The following FMNL3 variants were observed in gnomAD, a reference collection of about 807,000 sequenced individuals.
FMNL3 encodes formin-like protein 3.
Under a neutral mutation model 119.6 loss-of-function variants are expected in FMNL3, and 57 were observed. That is an observed-to-expected ratio of 0.48 (90% confidence interval 0.39 to 0.59). The LOEUF (loss-of-function observed/expected upper bound fraction) is 0.59, where lower values mean the gene tolerates loss of function less well. FMNL3 is among the 20% of genes least tolerant of loss of function. The pLI, the probability that FMNL3 is intolerant of heterozygous loss-of-function variation, is 0.00. For missense variants in FMNL3, 1,053 were observed against 1,323.5 expected (o/e 0.80, Z 3.17); for synonymous variants, 491 against 507.3 (o/e 0.97, Z 0.43).
chr12:49,654,873 T>G, intron 10 of FMNL3, 37 bp downstream of exon 10: 1 of 1,600,680 alleles, frequency 6.2e-7, no homozygotes, highest in Non-Finnish European at 8.5e-7. Context: ...CACACAGCCC[T>G]GGTGGGTATG....
intron 1 of FMNL3, among the ~76,000 whole-genome samples, chr12:49,694,250 C>G (rs2139019499): frequency 6.6e-6 from 1 of 152,292 alleles, no homozygotes; most frequent in South Asian, 2.1e-4. Context: ...GCAAGACTTA[C>G]TCATACAGTG....
chr12:49,644,684 T>C lies in FMNL3; in HGVS notation c.*1131A>G, dbSNP rs1943088892. The C allele has an allele frequency of 1.1e-5, 2 of 179,446 alleles. No individual in the cohort carries two copies. Among genetic ancestry groups the C allele is most frequent in the South Asian group, 2.2e-4 (2 of 8,962 alleles). 11.1% of individuals were successfully genotyped at this position (179,446 alleles called of 1,614,324 possible). ...TAACATGGCCAGTGACTCTTTTCCATGTGCTACTGGGGCAGGCTGGGGACT... is the reference window on the plus strand; with the variant it reads ...TAACATGGCCAGTGACTCTTTTCCACGTGCTACTGGGGCAGGCTGGGGACT... On this transcript the variant is annotated 3_prime_UTR_variant, in exon 26 of 26. Coordinates refer to ENST00000335154, the MANE Select transcript of FMNL3 (RefSeq NM_175736.5).
chr12:49,653,235 C>T lies in FMNL3; in HGVS notation c.1314G>A (p.Glu438=), dbSNP rs1274377435. The T allele has an allele frequency of 6.2e-7, 1 of 1,614,016 alleles. No homozygotes were observed. The highest frequency in any genetic ancestry group is 8.5e-7 in the Non-Finnish European group (1 of 1,180,036). Residue 438 remains glutamate (E), a synonymous_variant, in exon 13 of 26, where the codon GAG becomes GAA. Coordinates refer to ENST00000335154, the MANE Select transcript of FMNL3 (RefSeq NM_175736.5). The stretch of plus-strand genomic sequence containing the variant: ...CCCAGAGTACTTGTACCTTGATGCT[C>T]TCTAGTTCCTTCTCCCGCTGTAGCA... ...KQLLQREKEL[E]SIKETYENTS...
At chr12:49,654,421 TA>T in intron 10 of FMNL3, 119 bp from the exon 11 acceptor site, 1 of 725,268 alleles carries the variant, frequency 1.4e-6, no homozygotes, top group South Asian at 1.7e-5. Flanking sequence ...GGGAGTCAAT[TA>T]AAGAGTTAAG....
chr12:49,658,262 C>T (rs759985089), intron 6 of FMNL3, among the ~76,000 whole-genome samples, 180 bp downstream of exon 6: 3 of 152,010 alleles, frequency 2.0e-5, no homozygotes, highest in Non-Finnish European at 2.9e-5. Context: ...CAGGACAGAC[C>T]GCTGGGCAGA....
chr12:49,659,802 C>T, intron 5 of FMNL3: 1 of 985,446 alleles, frequency 1.0e-6, no homozygotes, highest in Non-Finnish European at 1.2e-6. Context: ...ATCCTCACTT[C>T]AGGATATACC....
At chr12:49,700,218 C>T (rs1242835617) in intron 1 of FMNL3, among the ~76,000 whole-genome samples, 1 of 150,818 alleles carries the variant, frequency 6.6e-6, no homozygotes, top group Non-Finnish European at 1.5e-5. Context: ...TGGTGAAACC[C>T]CATCTCTACT....
rs749587005 is a variant in FMNL3 at position 49,651,153 on chromosome 12, C to G, written c.1797+15G>C. The G allele has an allele frequency of 5.6e-6, 9 of 1,611,604 alleles. No homozygotes were observed. In the South Asian group the frequency reaches 8.8e-5, roughly 16 times the overall value. On this transcript the variant is annotated intron_variant, in intron 16 of 25. Transcript: ENST00000335154. ...AGCCCTCAACCTTAGCCCTCTGGAC[C>G]CCAGGCCCTGTTACCTCCAAGATCT...
At position 49,642,538 on chromosome 12, in the gene FMNL3, G is replaced by A. The variant is rs1393230262; in HGVS notation, c.*3277C>T. On this transcript the variant is annotated 3_prime_UTR_variant, in exon 26 of 26. Transcript: ENST00000335154. The surrounding 1 kb of genome is among the most constrained non-coding windows in gnomAD (Gnocchi z 5.8). The stretch of plus-strand genomic sequence containing the variant: ...CTCATGGCGGTGTCCAGGCCAGGCT[G>A]AGTGGGGCCTAGTCTGATCAGCAGT... The A allele has an allele frequency of 2.5e-6, 4 of 1,607,484 alleles. No individual in the cohort carries two copies. The highest frequency in any genetic ancestry group is 3.4e-6 in the Non-Finnish European group (4 of 1,174,248).
Position 49,643,427 on chromosome 12 carries a change from G to A in FMNL3, c.*2388C>T, listed in dbSNP as rs759800090. The A allele has an allele frequency of 1.3e-6, 2 of 1,531,110 alleles. No homozygotes were observed. Among genetic ancestry groups the A allele is most frequent in the Admixed American group, 2.1e-5 (1 of 46,588 alleles). 94.8% of individuals were successfully genotyped at this position (1,531,110 alleles called of 1,614,324 possible). ...GCAGTTGCTGTGAGCGTAGAAGCTGGAGAACTGTTGTCCCAGACTGAGAGG... is the reference window on the plus strand; with the variant it reads ...GCAGTTGCTGTGAGCGTAGAAGCTGAAGAACTGTTGTCCCAGACTGAGAGG... On this transcript the variant is annotated 3_prime_UTR_variant, in exon 26 of 26. Transcript: ENST00000335154.
At chr12:49,662,759 A>C (rs1052028746) in intron 4 of FMNL3, among the ~76,000 whole-genome samples, 9 of 152,220 alleles carry the variant, frequency 5.9e-5, no homozygotes, top group Middle Eastern at 3.2e-3. Context: ...AAAGCACCTA[A>C]GGACCATATC....
chr12:49,654,270 C>G lies in FMNL3; in HGVS notation c.993G>C (p.Val331=), dbSNP rs1379116894. The change falls in exon 11 of 26, where the codon GTG becomes GTC. Residue 331 remains valine, a synonymous_variant. Coordinates refer to ENST00000335154, the MANE Select transcript of FMNL3 (RefSeq NM_175736.5). The part of the protein sequence containing the change: ...VACMQFINIV[V]HSVEDMNFRV... ...GGAAGTTCATGTCCTCCACCGAGTG[C>G]ACCACGATGTTGATGAACTGCATGC... is the stretch of plus-strand genomic sequence containing the variant. 1.2e-6 allele frequency: 2 copies of G among 1,613,938 alleles called. No homozygotes were observed. Among genetic ancestry groups the G allele is most frequent in the Non-Finnish European group, 1.7e-6 (2 of 1,179,998 alleles).
chr12:49,645,649 C>T lies in FMNL3; in HGVS notation c.*166G>A. 1 of 591,106 alleles carries T rather than the reference C, an allele frequency of 1.7e-6. No individual in the cohort carries two copies. The highest frequency in any genetic ancestry group is 2.2e-5 in the South Asian group (1 of 46,290). 36.6% of individuals were successfully genotyped at this position (591,106 alleles called of 1,614,324 possible). A position where few individuals can be genotyped will look rare whatever the true frequency, so the allele number is the denominator to read the frequency against. On this transcript the variant is annotated 3_prime_UTR_variant, in exon 26 of 26. Transcript: ENST00000335154. ...ACTGGAAGCACCAGGGACCTACAGA[C>T]CTAGTGCCCATAGTGGCACAAGTAG...
rs748558911 is a variant in FMNL3 at position 49,642,533 on chromosome 12, A to G, written c.*3282T>C. 6 of 1,606,942 alleles carry G rather than the reference A, an allele frequency of 3.7e-6. No individual in the cohort carries two copies. The highest frequency in any genetic ancestry group is 5.1e-6 in the Non-Finnish European group (6 of 1,173,954). On this transcript the variant is annotated 3_prime_UTR_variant, in exon 26 of 26. Transcript: ENST00000335154. This position sits in a 1 kb window ranked among gnomAD's most constrained non-coding sequence, Gnocchi z 5.8. ...CTGTGCTCATGGCGGTGTCCAGGCC[A>G]GGCTGAGTGGGGCCTAGTCTGATCA...
intron 1 of FMNL3, among the ~76,000 whole-genome samples, chr12:49,671,670 G>A (rs1944050147): frequency 6.6e-6 from 1 of 152,208 alleles, no homozygotes; most frequent in Admixed American, 6.5e-5. Flanking sequence ...CTGCCCTTAG[G>A]AATGACAACT....
At position 49,652,230 on chromosome 12, in the gene FMNL3, C is replaced by T; in HGVS notation, c.1324-18G>A. 1 of 1,607,084 alleles carries T rather than the reference C, an allele frequency of 6.2e-7. No individual in the cohort carries two copies. Among genetic ancestry groups the T allele is most frequent in the Non-Finnish European group, 8.5e-7 (1 of 1,176,766 alleles). On this transcript the variant is annotated intron_variant, in intron 13 of 25. Transcript: ENST00000335154. ...TATGTCTCCTGGCAGGCAGACAGCA[C>T]CATTAAGGGAAAAGTGGGCTGAAGG... is the stretch of plus-strand genomic sequence containing the variant.
At chr12:49,672,751 G>A (rs1295138152) in intron 1 of FMNL3, among the ~76,000 whole-genome samples, 1 of 152,194 alleles carries the variant, frequency 6.6e-6, no homozygotes, top group Non-Finnish European at 1.5e-5. Flanking sequence ...GGGAAATGCC[G>A]GTAGGGTTTG....
chr12:49,659,544 G>C (rs999817175), intron 5 of FMNL3, among the ~76,000 whole-genome samples: 8 of 152,138 alleles, frequency 5.3e-5, no homozygotes, highest in African/African-American at 1.9e-4. Flanking sequence ...CCGAGTAGCT[G>C]GGACTACAGG....
At chr12:49,654,807 T>A (rs1268430137) in intron 10 of FMNL3, 103 bp downstream of exon 10, 3 of 1,086,710 alleles carry the variant, frequency 2.8e-6, no homozygotes, top group Non-Finnish European at 4.1e-6. Flanking sequence ...CATTCTGGGC[T>A]CTACGTGGAA....
Sources: gnomAD v4.1 joint callset for allele counts (sites outside exome capture counted in the v4.1 genomes callset) on GRCh38, gnomAD v4.1.1 for gene constraint, Gnocchi (gnomAD v3.1) non-coding constraint, MANE v1.5 for transcripts, NCBI Gene and HGNC (gene_info 2026-07-23, HGNC 2026-07-21) for gene names.